The following ANK2 variants were observed in gnomAD, a reference collection of about 807,000 sequenced individuals.
The protein encoded by ANK2 is ankyrin 2, also known as ankyrin-2.
A neutral mutation model predicts 360.5 loss-of-function variants in ANK2; 83 were observed. The observed-to-expected ratio is 0.23, with a 90% confidence interval of 0.19 to 0.28. The LOEUF (loss-of-function observed/expected upper bound fraction) is 0.28. Ranked by LOEUF, ANK2 falls within the 10% of genes least tolerant of loss-of-function variation. The pLI, the probability that ANK2 is intolerant of heterozygous loss-of-function variation, is 1.00. For synonymous variants in ANK2, 1,740 were observed against 1,759.5 expected, an observed-to-expected ratio of 0.99 and a Z score of 0.28; for missense variants, 4,201 against 4,795.7, an observed-to-expected ratio of 0.88 and a Z score of 3.66.
chr4:112,989,764 T>C (rs186162918), intron 2 of ANK2, among the ~76,000 whole-genome samples: 89 of 152,300 alleles, frequency 5.8e-4, no homozygotes, highest in African/African-American at 1.9e-3. Flanking sequence ...AGCCAATATA[T>C]AGTTGGCTTA....
the ANK2 span, among the ~76,000 whole-genome samples, chr4:112,769,307 CA>C: frequency 6.6e-6 from 1 of 152,180 alleles, no homozygotes; most frequent in African/African-American, 2.4e-5. Flanking sequence ...TCAAGTTTGC[CA>C]GTGTCACACT....
chr4:113,121,732 C>T (rs2095371200), intron 1 of ANK2, among the ~76,000 whole-genome samples: 1 of 152,114 alleles, frequency 6.6e-6, no homozygotes, highest in South Asian at 2.1e-4. Context: ...AAAAAAAAGC[C>T]TCCTTTTGAG....
intron 1 of ANK2, among the ~76,000 whole-genome samples, chr4:113,173,287 A>ACAT (rs747665354): frequency 6.6e-6 from 1 of 152,190 alleles, no homozygotes; most frequent in Non-Finnish European, 1.5e-5. Flanking sequence ...CTATCTCTGT[A>ACAT]CATCACCACA....
Position 113,282,762 on chromosome 4 carries a change from A to C in ANK2, c.1969A>C (p.Ile657Leu). 6.2e-7 allele frequency: 1 copy of C among 1,613,988 alleles called. No individual in the cohort carries two copies. Among genetic ancestry groups the C allele is most frequent in the Non-Finnish European group, 8.5e-7 (1 of 1,179,942 alleles). ...TLLNYGAETN[I>L]VTKQGVTPLH... ...CCTGAACTATGGAGCAGAGACAAACATTGTGACAAAGCAAGGAGTAACTCC... is the reference window on the plus strand; with the variant it reads ...CCTGAACTATGGAGCAGAGACAAACCTTGTGACAAAGCAAGGAGTAACTCC... Residue 657 changes from isoleucine (I) to leucine (L), a missense_variant, in exon 18 of 46, where the codon ATT (isoleucine) becomes CTT (leucine). Physicochemically the swap from Ile to Leu is conservative, Grantham distance 5. Transcript: ENST00000357077.
intron 4 of ANK2, among the ~76,000 whole-genome samples, chr4:113,213,739 G>A (rs1356589051): frequency 6.6e-6 from 1 of 151,978 alleles, no homozygotes; most frequent in Non-Finnish European, 1.5e-5. Flanking sequence ...AATAATTGTT[G>A]AAAAGCATCC....
Position 112,838,504 on chromosome 4 carries a change from T to C in ANK2, c.-40+20240T>C, listed in dbSNP as rs1459013356. On this transcript the variant is annotated intron_variant, in intron 1 of 30. Coordinates refer to the ANK2 transcript ENST00000503271. ...CCCTGAGTTGTGGAACTAGAGTGAA[T>C]GTTCCTCTCCTTCTCTCTCTTGGAC... Among the ~76,000 whole-genome samples, 4 of 152,206 alleles carry C rather than the reference T, an allele frequency of 2.6e-5. No individual in the cohort carries two copies. The East Asian group carries it at 7.7e-4, about 29-fold the overall frequency.
the ANK2 span, among the ~76,000 whole-genome samples, chr4:112,712,614 A>T: frequency 6.6e-6 from 1 of 150,652 alleles, no homozygotes; most frequent in Admixed American, 6.6e-5. Context: ...TCACCGTGTT[A>T]GCCAGGATGG....
In ANK2 at chr4:113,213,635, A is replaced by G. The variant is rs186789998; in HGVS notation, c.384+14526A>G. Among the ~76,000 whole-genome samples, 182 of 152,344 alleles carry G rather than the reference A, an allele frequency of 1.2e-3. 1 individual carries two copies. The highest frequency in any genetic ancestry group is 2.1e-3 in the South Asian group (10 of 4,822). ...ATTTAATTTAAATTTTAATCTGCAAATATGCCCTCTGGAATCAGCCCGATA... is the reference window on the plus strand; with the variant it reads ...ATTTAATTTAAATTTTAATCTGCAAGTATGCCCTCTGGAATCAGCCCGATA... On this transcript the variant is annotated intron_variant, in intron 4 of 45. Transcript: ENST00000357077.
chr4:113,059,349 A>T (rs1202356316), intron 1 of ANK2, among the ~76,000 whole-genome samples: 1 of 152,184 alleles, frequency 6.6e-6, no homozygotes, highest in Non-Finnish European at 1.5e-5. Flanking sequence ...AATTCAGAAG[A>T]CTAGCCCTAC....
chr4:112,881,132 T>C (rs1479356893), intron 1 of ANK2, among the ~76,000 whole-genome samples: 1 of 152,214 alleles, frequency 6.6e-6, no homozygotes, highest in Non-Finnish European at 1.5e-5. Context: ...GTATCTTCTA[T>C]AGAACAATTT....
intron 4 of ANK2, 29 bp from the exon 5 acceptor site, chr4:113,232,132 A>G: frequency 6.9e-7 from 1 of 1,458,224 alleles, no homozygotes; most frequent in Non-Finnish European, 9.6e-7. Flanking sequence ...AAATGATTGA[A>G]GGTGTCTTTT....
intron 17 of ANK2, among the ~76,000 whole-genome samples, chr4:113,280,828 C>A (rs558148368): frequency 3.3e-5 from 5 of 152,156 alleles, no homozygotes; most frequent in Non-Finnish European, 5.9e-5. Context: ...CTAAAATATC[C>A]CTGTACCTAA....
At chr4:112,970,160 A>G (rs963941370) in intron 2 of ANK2, among the ~76,000 whole-genome samples, 3 of 150,094 alleles carry the variant, frequency 2.0e-5, no homozygotes, top group Non-Finnish European at 4.4e-5. Flanking sequence ...ATTTTTTTGT[A>G]TTTTTAGTAG....
chr4:113,149,436 T>C (rs955144225), intron 1 of ANK2, among the ~76,000 whole-genome samples: 10 of 152,166 alleles, frequency 6.6e-5, no homozygotes, highest in Admixed American at 4.6e-4. Flanking sequence ...AAAAGTTTTA[T>C]AAAAGATAAG....
chr4:113,022,123 G>A (rs1018675054), intron 2 of ANK2, among the ~76,000 whole-genome samples: 4 of 152,130 alleles, frequency 2.6e-5, no homozygotes, highest in African/African-American at 9.7e-5. Flanking sequence ...CCCTACCTGG[G>A]AAGGGAAAAT....
intron 2 of ANK2, among the ~76,000 whole-genome samples, chr4:113,041,617 C>T (rs1353113725): frequency 1.3e-5 from 2 of 152,104 alleles, no homozygotes; most frequent in African/African-American, 2.4e-5. Flanking sequence ...CATAAGCTAA[C>T]AGGGCCATCT....
chr4:113,064,763 T>C lies in ANK2; in HGVS notation c.84+14951T>C, dbSNP rs1356585908. ...ACTTCTAACAAAAATGTTAGAAAGT[T>C]CTGTAGAACTTCTAACAAAAATGTT... On this transcript the variant is annotated intron_variant, in intron 1 of 45. Coordinates refer to ENST00000357077, the MANE Select transcript of ANK2 (RefSeq NM_001148.6). Among the ~76,000 whole-genome samples the C allele has an allele frequency of 2.0e-5, 3 of 147,344 alleles. 1 individual carries two copies. The highest frequency in any genetic ancestry group is 7.6e-5 in the African/African-American group (3 of 39,672).
chr4:112,742,396 A>ATG, the ANK2 span, among the ~76,000 whole-genome samples: 21,533 of 149,668 alleles, frequency 0.14, 2,071 homozygotes, highest in East Asian at 0.45. Context: ...ACTGAATTCT[A>ATG]TGTGTGTGTG....
At chr4:112,892,977 T>G (rs1469768502) in intron 1 of ANK2, among the ~76,000 whole-genome samples, 3 of 152,214 alleles carry the variant, frequency 2.0e-5, no homozygotes, top group African/African-American at 7.2e-5. Context: ...TATAAGTCTT[T>G]TATATCCCCC....
Sources: allele counts gnomAD v4.1 joint callset (sites outside exome capture counted in the v4.1 genomes callset), GRCh38; gene constraint gnomAD v4.1.1; transcripts MANE v1.5; gene names NCBI Gene and HGNC (gene_info 2026-07-23, HGNC 2026-07-21).